The following MYCN variants were observed in gnomAD, a reference collection of about 807,000 sequenced individuals.
The protein encoded by MYCN is MYCN proto-oncogene, bHLH transcription factor, also known as N-myc proto-oncogene protein.
In MYCN, 3 loss-of-function variants were observed where a neutral mutation model predicts 28.1. The observed-to-expected ratio is 0.11, with a 90% confidence interval of 0.05 to 0.28. The LOEUF (loss-of-function observed/expected upper bound fraction) is 0.28, where lower values mean the gene tolerates loss of function less well. Ranked by LOEUF, MYCN falls within the 10% of genes least tolerant of loss-of-function variation. The probability of loss-of-function intolerance (pLI) is 1.00; values close to 1 mark genes in which losing one functional copy is unlikely to be tolerated. For missense variants in MYCN, 572 were observed against 651.4 expected (o/e 0.88, Z 1.33); for synonymous variants, 326 against 288.3 (o/e 1.13, Z -1.32).
rs765770492 is a variant in MYCN, at chr2:15,945,820, GAAACTC to G, written c.1119_1124del (p.Asn374_Ser375del). On this transcript the variant is annotated inframe_deletion, in exon 3 of 3. Coordinates refer to ENST00000281043, the MANE Select transcript of MYCN (RefSeq NM_005378.6). The surrounding 1 kb of genome is among the most constrained non-coding windows in gnomAD (Gnocchi z 4.8). ...CCAAAGGCTAAGAGCTTGAGCCCCC[GAAACTC>G]TGACTCGGAGGACAGTGAGCGTCGC... 2 of 1,614,038 alleles carry G rather than the reference GAAACTC, an allele frequency of 1.2e-6. No individual in the cohort carries two copies. The highest frequency in any genetic ancestry group is 2.2e-5 in the South Asian group (2 of 91,086).
chr2:15,940,808 G>A (rs1662622730), intron 1 of MYCN, 65 bp downstream of exon 1: 1 of 397,862 alleles, frequency 2.5e-6, no homozygotes. Context: ...GGCAAGGCAA[G>A]CCCTGGACGG....
In MYCN at chr2:15,945,572, C is replaced by T. The variant is rs1458907692; in HGVS notation, c.870C>T (p.Asn290=). The change falls in exon 3 of 3, where the codon AAC becomes AAT. Residue 290 remains asparagine, a synonymous_variant. Coordinates refer to ENST00000281043, the MANE Select transcript of MYCN (RefSeq NM_005378.6). The surrounding 1 kb of genome is among the most constrained non-coding windows in gnomAD (Gnocchi z 4.8). ...VTVEKRRSSS[N]TKAVTTFTIT... ...TGGAGAAGCGGCGTTCCTCCTCCAACACCAAGGCTGTCACCACATTCACCA... is the reference window on the plus strand; with the variant it reads ...TGGAGAAGCGGCGTTCCTCCTCCAATACCAAGGCTGTCACCACATTCACCA... 8 of 1,614,154 alleles carry T rather than the reference C, an allele frequency of 5.0e-6. No homozygotes were observed. In the South Asian group the frequency reaches 7.7e-5, roughly 16 times the overall value.
In MYCN at chr2:15,942,636, T is replaced by G; in HGVS notation, c.572T>G (p.Val191Gly). The G allele has an allele frequency of 8.7e-7, 1 of 1,145,450 alleles. No homozygotes were observed. Among genetic ancestry groups the G allele is most frequent in the Non-Finnish European group, 1.1e-6 (1 of 930,180 alleles). 71.0% of individuals were successfully genotyped at this position (1,145,450 alleles called of 1,614,324 possible). The part of the protein sequence containing the change: ...HPAAECVDPA[V>G]VFPFPVNKRE... The stretch of plus-strand genomic sequence containing the variant: ...GCCGCCGAGTGCGTGGATCCCGCCG[T>G]GGTCTTCCCCTTTCCCGTGAACAAG... Residue 191 changes from valine (V) to glycine (G), a missense_variant, in exon 2 of 3, where the codon GTG (valine) becomes GGG (glycine). By Grantham distance (109) the Val-to-Gly change is moderately radical. Around this residue, in one of 3 missense-constraint regions of MYCN, gnomAD observed 499 missense variants for 524.3 expected, o/e 0.95. Coordinates refer to ENST00000281043, the MANE Select transcript of MYCN (RefSeq NM_005378.6). This position sits in a 1 kb window ranked among gnomAD's most constrained non-coding sequence, Gnocchi z 7.0.
chr2:15,941,898 C>A lies in MYCN; in HGVS notation c.-117-50C>A. 1 of 783,968 alleles carries A rather than the reference C, an allele frequency of 1.3e-6. No homozygotes were observed. The highest frequency in any genetic ancestry group is 2.1e-6 in the Non-Finnish European group (1 of 486,784). 48.6% of individuals were successfully genotyped at this position (783,968 alleles called of 1,614,324 possible). A position where few individuals can be genotyped will look rare whatever the true frequency, so the allele number is the denominator to read the frequency against. On this transcript the variant is annotated intron_variant, in intron 1 of 2. Transcript: ENST00000281043. This position sits in a 1 kb window ranked among gnomAD's most constrained non-coding sequence, Gnocchi z 4.8. The stretch of plus-strand genomic sequence containing the variant: ...AGAGGGGGCGCCCATTGCCTATCCC[C>A]TCGGTCTGCCCCGTTTGCCCACCCT...
In MYCN at chr2:15,946,052, A is replaced by G. The variant is rs1461191694; in HGVS notation, c.1350A>G (p.Arg450=). 1 of 1,614,134 alleles carries G rather than the reference A, an allele frequency of 6.2e-7. No homozygotes were observed. The highest frequency in any genetic ancestry group is 8.5e-7 in the Non-Finnish European group (1 of 1,180,054). Residue 450 remains arginine (R), a synonymous_variant, in exon 3 of 3, where the codon AGA becomes AGG. Transcript: ENST00000281043. ...TGGAAAAGGAAAAATTGCAGGCAAG[A>G]CAGCAGCAGTTGCTAAAGAAAATTG... ...LLLEKEKLQA[R]QQQLLKKIEH...
rs1483005100 is a variant in MYCN, at chr2:15,942,992, C to T, written c.790+138C>T. ...AGGGGCAGAGAGGTCCTGTTTCCCCCAAGTCTCTCCTCGGGGTAAAGAGAA... is the reference window on the plus strand; with the variant it reads ...AGGGGCAGAGAGGTCCTGTTTCCCCTAAGTCTCTCCTCGGGGTAAAGAGAA... On this transcript the variant is annotated intron_variant, in intron 2 of 2. Transcript: ENST00000281043. The surrounding 1 kb of genome is among the most constrained non-coding windows in gnomAD (Gnocchi z 7.0). 2 of 1,117,174 alleles carry T rather than the reference C, an allele frequency of 1.8e-6. No homozygotes were observed. The highest frequency in any genetic ancestry group is 2.4e-6 in the Non-Finnish European group (2 of 832,452). The allele number at this position is 1,117,174 out of a possible 1,614,324, so 69.2% of individuals were successfully genotyped here. A position where few individuals can be genotyped will look rare whatever the true frequency, so the allele number is the denominator to read the frequency against.
Position 15,946,804 on chromosome 2 carries a change from T to A in MYCN, c.*707T>A, listed in dbSNP as rs934139364. 1.3e-5 allele frequency: 3 copies of A among 222,428 alleles called. No individual in the cohort carries two copies. The highest frequency in any genetic ancestry group is 2.7e-5 in the Non-Finnish European group (3 of 111,228). The allele number at this position is 222,428 out of a possible 1,614,324, so 13.8% of individuals were successfully genotyped here. On this transcript the variant is annotated 3_prime_UTR_variant, in exon 3 of 3. Transcript: ENST00000281043. ...TATCACTTTTTGAACTAAGAAACTT[T>A]TGTAAAGAAATTTACTATATATATA...
Position 15,946,258 on chromosome 2 carries a change from T to A in MYCN, c.*161T>A. 9.6e-7 allele frequency: 1 copy of A among 1,040,776 alleles called. No individual in the cohort carries two copies. The highest frequency in any genetic ancestry group is 1.4e-6 in the Non-Finnish European group (1 of 700,274). The allele number at this position is 1,040,776 out of a possible 1,614,324, so 64.5% of individuals were successfully genotyped here. A position where few individuals can be genotyped will look rare whatever the true frequency, so the allele number is the denominator to read the frequency against. ...TAGGACCACCAGTGTGGGGTTCTGC[T>A]GGGACCTTGGAGAGCCTGCATCCCA... On this transcript the variant is annotated 3_prime_UTR_variant, in exon 3 of 3. Coordinates refer to ENST00000281043, the MANE Select transcript of MYCN (RefSeq NM_005378.6).
At chr2:15,940,828 G>A (rs935684753) in intron 1 of MYCN, 85 bp downstream of exon 1, 2 of 398,184 alleles carry the variant, frequency 5.0e-6, no homozygotes, top group African/African-American at 4.1e-5. Flanking sequence ...GGATTGCGAC[G>A]TGCGCACCGG....
At chr2:15,943,973 A>C (rs1472945096) in intron 2 of MYCN, among the ~76,000 whole-genome samples, 1 of 152,164 alleles carries the variant, frequency 6.6e-6, no homozygotes, top group South Asian at 2.1e-4. Flanking sequence ...CAGGTGGATA[A>C]CAAGCCTAAA....
Position 15,946,185 on chromosome 2 carries a change from G to T in MYCN, c.*88G>T, listed in dbSNP as rs148464851. 5 of 1,595,836 alleles carry T rather than the reference G, an allele frequency of 3.1e-6. No individual in the cohort carries two copies. The South Asian group carries it at 4.5e-5, about 14-fold the overall frequency. On this transcript the variant is annotated 3_prime_UTR_variant, in exon 3 of 3. Transcript: ENST00000281043. Reference sequence around the variant, plus strand: ...CATTGTGTTGACATTAAGAATGTTGGTTTACTTTCAAATCGGTCCCCTGTC... The same window carrying T: ...CATTGTGTTGACATTAAGAATGTTGTTTTACTTTCAAATCGGTCCCCTGTC...
In MYCN at chr2:15,942,038, C is replaced by G. The variant is rs769956590; in HGVS notation, c.-27C>G. The G allele has an allele frequency of 6.8e-6, 11 of 1,612,884 alleles. No individual in the cohort carries two copies. Among genetic ancestry groups the G allele is most frequent in the African/African-American group, 6.7e-5 (5 of 74,914 alleles). Reference sequence around the variant, plus strand: ...AAAACGAACGGGGCGGAAAGAAGCCCTCAGTCGCCGGCCGGGAGGCGAGCC... The same window carrying G: ...AAAACGAACGGGGCGGAAAGAAGCCGTCAGTCGCCGGCCGGGAGGCGAGCC... On this transcript the variant is annotated 5_prime_UTR_variant, in exon 2 of 3. Transcript: ENST00000281043. The surrounding 1 kb of genome is among the most constrained non-coding windows in gnomAD (Gnocchi z 7.0).
chr2:15,946,346 A>G lies in MYCN; in HGVS notation c.*249A>G. 1.8e-6 allele frequency: 1 copy of G among 563,540 alleles called. No individual in the cohort carries two copies. The highest frequency in any genetic ancestry group is 2.0e-5 in the South Asian group (1 of 49,700). The allele number at this position is 563,540 out of a possible 1,614,324, so 34.9% of individuals were successfully genotyped here. ...TCCATGACAGCGCTAAACGTTGGTGACGGTTGGGAGCCTCTGGGGCTGTTG... is the reference window on the plus strand; with the variant it reads ...TCCATGACAGCGCTAAACGTTGGTGGCGGTTGGGAGCCTCTGGGGCTGTTG... On this transcript the variant is annotated 3_prime_UTR_variant, in exon 3 of 3. Transcript: ENST00000281043.
rs1662875466 is a variant in MYCN at position 15,946,416 on chromosome 2, T to A, written c.*319T>A. 1 of 448,960 alleles carries A rather than the reference T, an allele frequency of 2.2e-6. No homozygotes were observed. Among genetic ancestry groups the A allele is most frequent in the Admixed American group, 3.6e-5 (1 of 27,682 alleles). The allele number at this position is 448,960 out of a possible 1,614,324, so 27.8% of individuals were successfully genotyped here. A position where few individuals can be genotyped will look rare whatever the true frequency, so the allele number is the denominator to read the frequency against. On this transcript the variant is annotated 3_prime_UTR_variant, in exon 3 of 3. Transcript: ENST00000281043. ...AAGTTTCCAAACAACAGAAAGTCAT[T>A]CCTTCTTTTTAAAATGGTGCTTAAG...
At position 15,940,592 on chromosome 2, in the gene MYCN, G is replaced by A. The variant is rs1662604693; in HGVS notation, c.-269G>A. 5.0e-6 allele frequency: 2 copies of A among 400,244 alleles called. No individual in the cohort carries two copies. The highest frequency in any genetic ancestry group is 3.4e-4 in the Middle Eastern group (1 of 2,914). 24.8% of individuals were successfully genotyped at this position (400,244 alleles called of 1,614,324 possible). On this transcript the variant is annotated 5_prime_UTR_variant, in exon 1 of 3. Coordinates refer to ENST00000281043, the MANE Select transcript of MYCN (RefSeq NM_005378.6). ...TGTCTGGACGCGCTGGGTGGATGCG[G>A]GGGGCTCCTGGGAACTGTGTTGGAG...
At position 15,942,042 on chromosome 2, in the gene MYCN, GTCGCCGGCCGGGAGGC is replaced by G. The variant is rs758697983; in HGVS notation, c.-22_-7del. On this transcript the variant is annotated 5_prime_UTR_variant, in exon 2 of 3. Coordinates refer to ENST00000281043, the MANE Select transcript of MYCN (RefSeq NM_005378.6). The surrounding 1 kb of genome is among the most constrained non-coding windows in gnomAD (Gnocchi z 7.0). ...CGAACGGGGCGGAAAGAAGCCCTCA[GTCGCCGGCCGGGAGGC>G]GAGCCGATGCCGAGCTGCTCCACGT... is the stretch of plus-strand genomic sequence containing the variant. 8 of 1,613,122 alleles carry G rather than the reference GTCGCCGGCCGGGAGGC, an allele frequency of 5.0e-6. No homozygotes were observed. The East Asian group carries it at 1.8e-4, about 36-fold the overall frequency.
rs201115523 is a variant in MYCN, at chr2:15,945,534, G to A, written c.832G>A (p.Asp278Asn). The A allele has an allele frequency of 1.3e-5, 21 of 1,613,784 alleles. No homozygotes were observed. Among genetic ancestry groups the A allele is most frequent in the Middle Eastern group, 3.3e-4 (2 of 6,062 alleles). Residue 278 changes from aspartate to asparagine, a missense_variant, in exon 3 of 3, where the codon GAC (aspartate) becomes AAC (asparagine). This residue lies in a region of MYCN where 499 missense variants were observed against 524.3 expected (regional missense o/e 0.95). Coordinates refer to ENST00000281043, the MANE Select transcript of MYCN (RefSeq NM_005378.6). This position sits in a 1 kb window ranked among gnomAD's most constrained non-coding sequence, Gnocchi z 4.8. ...DEEEDEEEEI[D>N]VVTVEKRRSS... is the part of the protein sequence containing the mutation. ...AGAGGAAGATGAAGAGGAAGAAATC[G>A]ACGTGGTCACTGTGGAGAAGCGGCG...
Position 15,945,623 on chromosome 2 carries a change from C to T in MYCN, c.921C>T (p.Ala307=), listed in dbSNP as rs529269709. ...FTITVRPKNA[A]LGPGRAQSSE... is the part of the protein sequence containing the mutation. The stretch of plus-strand genomic sequence containing the variant: ...TCACTGTGCGTCCCAAGAACGCAGC[C>T]CTGGGTCCCGGGAGGGCTCAGTCCA... Residue 307 remains alanine (A), a synonymous_variant, in exon 3 of 3, where the codon GCC becomes GCT. Coordinates refer to ENST00000281043, the MANE Select transcript of MYCN (RefSeq NM_005378.6). The surrounding 1 kb of genome is among the most constrained non-coding windows in gnomAD (Gnocchi z 4.8). 70 of 1,614,150 alleles carry T rather than the reference C, an allele frequency of 4.3e-5. 1 individual carries two copies. In the South Asian group the frequency reaches 7.4e-4, roughly 17 times the overall value.
Position 15,942,478 on chromosome 2 carries a change from C to A in MYCN, c.414C>A (p.Arg138=). ...RAVSEKLQHG[R]GPPTAGSTAQ... Reference sequence around the variant, plus strand: ...TGAGCGAGAAGCTGCAGCACGGCCGCGGGCCGCCAACCGCCGGTTCCACCG... The same window carrying A: ...TGAGCGAGAAGCTGCAGCACGGCCGAGGGCCGCCAACCGCCGGTTCCACCG... Residue 138 remains arginine, a synonymous_variant, in exon 2 of 3, where the codon CGC becomes CGA. Transcript: ENST00000281043. This position sits in a 1 kb window ranked among gnomAD's most constrained non-coding sequence, Gnocchi z 7.0. 4 of 1,559,226 alleles carry A rather than the reference C, an allele frequency of 2.6e-6. No individual in the cohort carries two copies. The highest frequency in any genetic ancestry group is 3.5e-6 in the Non-Finnish European group (4 of 1,157,334).
Sources: allele counts gnomAD v4.1 joint callset (sites outside exome capture counted in the v4.1 genomes callset), GRCh38; gene constraint gnomAD v4.1.1; regional missense constraint gnomAD v4.1.1; non-coding constraint Gnocchi (gnomAD v3.1); transcripts MANE v1.5; gene names NCBI Gene and HGNC (gene_info 2026-07-23, HGNC 2026-07-21).